MIPOL1: variants seen among roughly 807,000 people sequenced by gnomAD.
MIPOL1 encodes mirror-image polydactyly 1.
In MIPOL1, 57 loss-of-function variants were observed where a neutral mutation model predicts 60.9. The observed-to-expected ratio is 0.94, with a 90% CI of 0.76 to 1.17. The LOEUF (loss-of-function observed/expected upper bound fraction) is 1.17. Among genes scored for constraint, MIPOL1 ranks in the 50% most tolerant of loss-of-function variants. The pLI is 0.00. For missense variants in MIPOL1, 551 were observed against 511.6 expected, an observed-to-expected ratio of 1.08 and a Z score of -0.74; for synonymous variants, 179 against 168.8, an observed-to-expected ratio of 1.06 and a Z score of -0.47.
intron 9 of MIPOL1, among the ~76,000 whole-genome samples, chr14:37,335,940 C>T (rs2090073449): frequency 6.6e-6 from 1 of 151,916 alleles, no homozygotes; most frequent in Admixed American, 6.6e-5. Flanking sequence ...GCTGCTTGCG[C>T]TTTTAGTATC....
chr14:37,325,522 CCTTT>C (rs779847905), intron 9 of MIPOL1, among the ~76,000 whole-genome samples: 10 of 151,236 alleles, frequency 6.6e-5, no homozygotes, highest in African/African-American at 1.2e-4. Context: ...TTCTTTCCTT[CCTTT>C]CTTTTTTCCT....
At chr14:37,475,382 C>T (rs1594579673) in intron 11 of MIPOL1, among the ~76,000 whole-genome samples, 2 of 152,006 alleles carry the variant, frequency 1.3e-5, no homozygotes, top group East Asian at 3.9e-4. Flanking sequence ...TCTTTTCATT[C>T]TCTTAACAGT....
rs141327642 is a variant in MIPOL1 at position 37,420,876 on chromosome 14, A to G, written c.937-1979A>G. Among the ~76,000 whole-genome samples, 711 of 152,270 alleles carry G rather than the reference A, an allele frequency of 4.7e-3. 4 individuals are homozygous for G. Among genetic ancestry groups the G allele is most frequent in the African/African-American group, 0.015 (631 of 41,568 alleles). On this transcript the variant is annotated intron_variant, in intron 10 of 12. Transcript: ENST00000684589. ...CTGAACAAGATCACTGTAGCATAGG[A>G]TAAGGGTATTTCTGAAAAAAGAAAT...
At chr14:37,486,743 T>A (rs2094952904) in intron 11 of MIPOL1, among the ~76,000 whole-genome samples, 2 of 152,182 alleles carry the variant, frequency 1.3e-5, no homozygotes, top group Non-Finnish European at 2.9e-5. Flanking sequence ...ACGATGGGGT[T>A]TTCTAAATAT....
At chr14:37,269,989 A>C (rs1225638943) in intron 5 of MIPOL1, among the ~76,000 whole-genome samples, 1 of 151,854 alleles carries the variant, frequency 6.6e-6, no homozygotes, top group Non-Finnish European at 1.5e-5. Context: ...CACCACACCT[A>C]GCTAATTTTT....
At chr14:37,326,005 G>C (rs2089121637) in intron 9 of MIPOL1, among the ~76,000 whole-genome samples, 1 of 152,204 alleles carries the variant, frequency 6.6e-6, no homozygotes, top group Non-Finnish European at 1.5e-5. Flanking sequence ...AATTTGCAGA[G>C]ATAGGAAGCA....
chr14:37,204,188 C>A (rs929109696), intron 1 of MIPOL1, among the ~76,000 whole-genome samples: 1 of 151,998 alleles, frequency 6.6e-6, no homozygotes, highest in Non-Finnish European at 1.5e-5. Flanking sequence ...ACTTCGATTC[C>A]AGCCTTTTGA....
intron 1 of MIPOL1, among the ~76,000 whole-genome samples, chr14:37,242,295 G>A (rs929846590): frequency 6.6e-6 from 1 of 151,090 alleles, no homozygotes; most frequent in Non-Finnish European, 1.5e-5. Context: ...ACTAACCACT[G>A]GTAATAGTTT....
At chr14:37,512,671 G>A (rs1438168081) in intron 12 of MIPOL1, among the ~76,000 whole-genome samples, 1 of 151,836 alleles carries the variant, frequency 6.6e-6, no homozygotes, top group East Asian at 1.9e-4. Flanking sequence ...AACTTTACCT[G>A]TGATATTTTT....
intron 10 of MIPOL1, among the ~76,000 whole-genome samples, chr14:37,391,553 G>A (rs1170342502): frequency 2.0e-5 from 3 of 151,882 alleles, no homozygotes; most frequent in East Asian, 1.9e-4. Context: ...ATGCCACCAC[G>A]TCCAGCTAAT....
At chr14:37,377,972 G>A (rs1184773720) in intron 10 of MIPOL1, among the ~76,000 whole-genome samples, 2 of 151,794 alleles carry the variant, frequency 1.3e-5, no homozygotes, top group Non-Finnish European at 2.9e-5. Context: ...AAATTTACAA[G>A]TTTATTAAAA....
chr14:37,372,992 C>CA (rs2092682489), intron 10 of MIPOL1, among the ~76,000 whole-genome samples: 1 of 152,028 alleles, frequency 6.6e-6, no homozygotes, highest in African/African-American at 2.4e-5. Flanking sequence ...TGTTTTTGAA[C>CA]ATGTGATTTT....
chr14:37,293,343 T>C (rs899144551), intron 7 of MIPOL1, among the ~76,000 whole-genome samples: 8 of 152,106 alleles, frequency 5.3e-5, no homozygotes, highest in Non-Finnish European at 7.4e-5. Flanking sequence ...CCAAGAGGGC[T>C]GAATAGGAAC....
At chr14:37,405,514 G>A (rs555449207) in intron 10 of MIPOL1, among the ~76,000 whole-genome samples, 7 of 151,964 alleles carry the variant, frequency 4.6e-5, no homozygotes, top group African/African-American at 1.4e-4. Context: ...TTTATTTTAC[G>A]TTAAAATGTG....
At chr14:37,205,791 C>T (rs1965987289) in intron 1 of MIPOL1, among the ~76,000 whole-genome samples, 1 of 152,124 alleles carries the variant, frequency 6.6e-6, no homozygotes, top group Non-Finnish European at 1.5e-5. Context: ...CTGCAAAGGA[C>T]ATGATCTCAT....
chr14:37,481,217 A>G (rs751978864), intron 11 of MIPOL1, among the ~76,000 whole-genome samples: 5 of 152,160 alleles, frequency 3.3e-5, no homozygotes, highest in African/African-American at 4.8e-5. Context: ...TAGCACTTCT[A>G]TGCACTAACA....
At chr14:37,390,195 G>C (rs1433652881) in intron 10 of MIPOL1, among the ~76,000 whole-genome samples, 2 of 151,618 alleles carry the variant, frequency 1.3e-5, no homozygotes, top group African/African-American at 4.9e-5. Flanking sequence ...CTCCAGCCTG[G>C]GCAACAAGAG....
intron 4 of MIPOL1, among the ~76,000 whole-genome samples, chr14:37,267,647 T>A (rs1370576485): frequency 1.3e-5 from 2 of 152,192 alleles, no homozygotes; most frequent in Non-Finnish European, 2.9e-5. Context: ...ATGGTATGGA[T>A]ATAATATGTC....
At chr14:37,380,292 G>T (rs1163428900) in intron 10 of MIPOL1, among the ~76,000 whole-genome samples, 1 of 152,070 alleles carries the variant, frequency 6.6e-6, no homozygotes, top group African/African-American at 2.4e-5. Context: ...GTTTTCCACA[G>T]AATAATTTTT....
Sources: gnomAD v4.1 joint callset for allele counts (sites outside exome capture counted in the v4.1 genomes callset) on GRCh38, gnomAD v4.1.1 for gene constraint, MANE v1.5 for transcripts, NCBI Gene and HGNC (gene_info 2026-07-23, HGNC 2026-07-21) for gene names.